Variants in ZNF804B observed in about 807,000 individuals in gnomAD.
The protein encoded by ZNF804B is zinc finger 804B.
ZNF804B carries 80 observed loss-of-function variants against 101.4 expected under a neutral mutation model. The observed-to-expected ratio is 0.79, with a 90% confidence interval of 0.66 to 0.95. The LOEUF (loss-of-function observed/expected upper bound fraction) is 0.95, where lower values mean the gene tolerates loss of function less well. Ranked by LOEUF, ZNF804B falls within the 40% of genes least tolerant of loss-of-function variation. The pLI, the probability that ZNF804B is intolerant of heterozygous loss-of-function variation, is 0.00. For missense variants in ZNF804B, 1,673 were observed against 1,561.9 expected, an observed-to-expected ratio of 1.07 and a Z score of -1.20; for synonymous variants, 622 against 558.8, an observed-to-expected ratio of 1.11 and a Z score of -1.59.
chr7:88,946,283 G>GTT (rs201266177), intron 1 of ZNF804B, among the ~76,000 whole-genome samples: 4 of 147,414 alleles, frequency 2.7e-5, no homozygotes, highest in Non-Finnish European at 4.5e-5. Flanking sequence ...TTTATTGAGA[G>GTT]TTTTTTTTTT....
chr7:88,823,648 T>C (rs1378092249), intron 1 of ZNF804B, among the ~76,000 whole-genome samples: 1 of 151,888 alleles, frequency 6.6e-6, no homozygotes, highest in Non-Finnish European at 1.5e-5. Flanking sequence ...CTGAGTACAA[T>C]TGGGTACCAC....
At chr7:89,023,991 T>C (rs765370845) in intron 1 of ZNF804B, among the ~76,000 whole-genome samples, 1 of 152,216 alleles carries the variant, frequency 6.6e-6, no homozygotes. Flanking sequence ...GGAAGGTGTC[T>C]AGAGCTGCAC....
At chr7:89,263,833 A>G (rs778179643) in intron 2 of ZNF804B, among the ~76,000 whole-genome samples, 3 of 152,136 alleles carry the variant, frequency 2.0e-5, no homozygotes, top group Non-Finnish European at 4.4e-5. Flanking sequence ...CAACTTTAAG[A>G]TTTTAGAGGA....
chr7:89,060,702 AG>A (rs1489940402), intron 1 of ZNF804B, among the ~76,000 whole-genome samples: 1 of 152,138 alleles, frequency 6.6e-6, no homozygotes, highest in African/African-American at 2.4e-5. Context: ...TCCAGTACTG[AG>A]ATATATATTG....
chr7:88,933,667 A>AT (rs1157872384), intron 1 of ZNF804B, among the ~76,000 whole-genome samples: 1 of 151,942 alleles, frequency 6.6e-6, no homozygotes, highest in Non-Finnish European at 1.5e-5. Flanking sequence ...TCAAATCATG[A>AT]ACTCAATCCA....
chr7:89,048,282 G>A (rs921491244), intron 1 of ZNF804B, among the ~76,000 whole-genome samples: 18 of 151,844 alleles, frequency 1.2e-4, no homozygotes, highest in African/African-American at 3.6e-4. Context: ...GCAGCAACCT[G>A]AATGAGATAA....
At chr7:89,003,250 G>A (rs1788316595) in intron 1 of ZNF804B, among the ~76,000 whole-genome samples, 1 of 151,982 alleles carries the variant, frequency 6.6e-6, no homozygotes, top group African/African-American at 2.4e-5. Flanking sequence ...GTTCTCCAGA[G>A]GAGACAGTGC....
intron 1 of ZNF804B, among the ~76,000 whole-genome samples, chr7:89,141,912 T>C (rs1277534318): frequency 1.5e-5 from 2 of 134,752 alleles, no homozygotes; most frequent in East Asian, 2.2e-4. Context: ...ATAATAATAA[T>C]AACTGTATTT....
chr7:89,248,079 AC>A (rs1159529743), intron 2 of ZNF804B, among the ~76,000 whole-genome samples: 1 of 152,176 alleles, frequency 6.6e-6, no homozygotes, highest in Non-Finnish European at 1.5e-5. Flanking sequence ...AAAACAATGA[AC>A]AAAGTCTTCA....
intron 1 of ZNF804B, among the ~76,000 whole-genome samples, chr7:89,047,760 G>A (rs1418963736): frequency 1.3e-5 from 2 of 152,080 alleles, no homozygotes; most frequent in Non-Finnish European, 2.9e-5. Flanking sequence ...AAAAAGTGAA[G>A]CAGAAGGCAT....
At chr7:89,317,235 AG>A (rs1790747267) in intron 2 of ZNF804B, among the ~76,000 whole-genome samples, 1 of 152,198 alleles carries the variant, frequency 6.6e-6, no homozygotes, top group South Asian at 2.1e-4. Context: ...AAGAAGACAA[AG>A]GTTTTCTCCT....
intron 1 of ZNF804B, among the ~76,000 whole-genome samples, chr7:89,028,387 A>G (rs1788782124): frequency 1.3e-5 from 2 of 152,144 alleles, no homozygotes; most frequent in Admixed American, 6.6e-5. Flanking sequence ...AAGCTCTAGA[A>G]AGGTAAACAA....
chr7:89,310,768 A>G (rs1790640090), intron 2 of ZNF804B, among the ~76,000 whole-genome samples: 1 of 152,232 alleles, frequency 6.6e-6, no homozygotes, highest in Admixed American at 6.5e-5. Context: ...GCTCTTAAGA[A>G]AACAGCTAGA....
intron 1 of ZNF804B, among the ~76,000 whole-genome samples, chr7:88,970,354 C>G (rs111887947): frequency 7.9e-6 from 1 of 126,732 alleles, no homozygotes; most frequent in Non-Finnish European, 1.7e-5. Flanking sequence ...GCCCCCCCCC[C>G]ACCCCCACAA....
At chr7:88,953,153 A>G (rs1793250555) in intron 1 of ZNF804B, among the ~76,000 whole-genome samples, 1 of 151,738 alleles carries the variant, frequency 6.6e-6, no homozygotes, top group Non-Finnish European at 1.5e-5. Flanking sequence ...ATGGAGACCT[A>G]AAGGCCCTAT....
chr7:89,104,028 A>G (rs1375103896), intron 1 of ZNF804B, among the ~76,000 whole-genome samples: 1 of 151,994 alleles, frequency 6.6e-6, no homozygotes, highest in African/African-American at 2.4e-5. Flanking sequence ...ATAGTGGACA[A>G]TGTTAATTGA....
chr7:89,007,489 A>C (rs1788384586), intron 1 of ZNF804B, among the ~76,000 whole-genome samples: 1 of 30,642 alleles, frequency 3.3e-5, no homozygotes. Flanking sequence ...TATATATGTC[A>C]ACCTAATATA....
rs149634993 is a variant in ZNF804B, at chr7:89,143,928, A to G, written c.109-74227A>G. Among the ~76,000 whole-genome samples, 417 of 152,148 alleles carry G rather than the reference A, an allele frequency of 2.7e-3. 4 individuals are homozygous for G. The highest frequency in any genetic ancestry group is 9.2e-3 in the African/African-American group (384 of 41,554). ...CATGGGCTGGTGGCAATAGCCTTAA[A>G]TTAATGCTGGTATAAAAGTCAAACC... On this transcript the variant is annotated intron_variant, in intron 1 of 3. Transcript: ENST00000333190.
chr7:89,315,400 G>GA (rs1251761878), intron 2 of ZNF804B, among the ~76,000 whole-genome samples: 1 of 152,058 alleles, frequency 6.6e-6, no homozygotes, highest in Admixed American at 6.6e-5. Flanking sequence ...AGTAGTTTTT[G>GA]AAAAAGTTTA....
Sources: gnomAD v4.1 joint callset for allele counts (sites outside exome capture counted in the v4.1 genomes callset) on GRCh38, gnomAD v4.1.1 for gene constraint, MANE v1.5 for transcripts, NCBI Gene and HGNC (gene_info 2026-07-23, HGNC 2026-07-21) for gene names.